The following SLC25A24 variants were observed in gnomAD, a reference collection of about 807,000 sequenced individuals.
SLC25A24 encodes the protein solute carrier family 25 member 24.
In SLC25A24, 49 loss-of-function variants were observed where a neutral mutation model predicts 60.7. The observed-to-expected ratio is 0.81, with a 90% CI of 0.64 to 1.02. The LOEUF is 1.02. Among genes scored for constraint, SLC25A24 ranks in the 50% least tolerant of loss-of-function variants. The pLI, the probability that SLC25A24 is intolerant of heterozygous loss-of-function variation, is 0.00. For missense variants in SLC25A24, 564 were observed against 586.3 expected (o/e 0.96, Z 0.39); for synonymous variants, 202 against 200.6 (o/e 1.01, Z -0.06).
At chr1:108,152,197 T>A (rs373706722) in intron 6 of SLC25A24, among the ~76,000 whole-genome samples, 1 of 152,164 alleles carries the variant, frequency 6.6e-6, no homozygotes, top group Non-Finnish European at 1.5e-5. Flanking sequence ...ATTTGGCCCC[T>A]GTTTATCTGT....
rs1679303240 is a variant in SLC25A24, at chr1:108,136,827, T to G, written c.1260A>C (p.Glu420Asp). 6.2e-7 allele frequency: 1 copy of G among 1,612,678 alleles called. No homozygotes were observed. The highest frequency in any genetic ancestry group is 1.1e-5 in the South Asian group (1 of 90,648). Reference sequence around the variant, plus strand: ...CAACCATATTCAGCTGTGGGGAACCTTCTAACATGGCTAAAAAATAAAAAA... The same window carrying G: ...CAACCATATTCAGCTGTGGGGAACCGTCTAACATGGCTAAAAAATAAAAAA... ...RTRMQAQAML[E>D]GSPQLNMVGL... Residue 420 changes from glutamate (E) to aspartate (D), a missense_variant, in exon 10 of 10, where the codon GAA becomes GAC. By Grantham distance (45) the Glu-to-Asp change is conservative. Transcript: ENST00000565488.
At position 108,154,875 on chromosome 1, in the gene SLC25A24, A is replaced by T. The variant is rs75988329; in HGVS notation, c.822+108T>A. On this transcript the variant is annotated intron_variant, in intron 6 of 9. Coordinates refer to ENST00000565488, the MANE Select transcript of SLC25A24 (RefSeq NM_013386.5). Reference sequence around the variant, plus strand: ...CCTCCTTATGGAGTATATGTGAAAGATTATCATGTATTAAAACAAGAATCC... The same window carrying T: ...CCTCCTTATGGAGTATATGTGAAAGTTTATCATGTATTAAAACAAGAATCC... 1.9e-3 allele frequency: 1,472 copies of T among 789,000 alleles called. 16 individuals are homozygous for T. The African/African-American group carries it at 0.023, about 13-fold the overall frequency. The allele number at this position is 789,000 out of a possible 1,614,324, so 48.9% of individuals were successfully genotyped here. A position where few individuals can be genotyped will look rare whatever the true frequency, so the allele number is the denominator to read the frequency against.
At chr1:108,187,468 A>G (rs1003586541) in intron 1 of SLC25A24, among the ~76,000 whole-genome samples, 2 of 152,190 alleles carry the variant, frequency 1.3e-5, no homozygotes, top group African/African-American at 4.8e-5. Context: ...GTCAGAAAGT[A>G]AAGATGGAAA....
intron 3 of SLC25A24, among the ~76,000 whole-genome samples, chr1:108,177,837 TA>T (rs1647738822): frequency 6.6e-6 from 1 of 152,142 alleles, no homozygotes; most frequent in Admixed American, 6.5e-5. Context: ...TTTATAAATA[TA>T]TATGAACCCA....
chr1:108,198,011 A>C (rs892046966), intron 1 of SLC25A24, among the ~76,000 whole-genome samples: 3 of 152,160 alleles, frequency 2.0e-5, no homozygotes, highest in African/African-American at 4.8e-5. Flanking sequence ...CTGGGTTGCT[A>C]TAAAGCCAGG....
chr1:108,185,125 A>G (rs1036565601), intron 2 of SLC25A24, among the ~76,000 whole-genome samples: 3 of 152,150 alleles, frequency 2.0e-5, no homozygotes, highest in Non-Finnish European at 4.4e-5. Context: ...ATGTTATGAC[A>G]TAGTAAGAGG....
intron 4 of SLC25A24, among the ~76,000 whole-genome samples, chr1:108,158,267 A>G (rs897915403): frequency 3.9e-5 from 6 of 152,280 alleles, no homozygotes; most frequent in South Asian, 2.1e-4. Context: ...CCTATTCTAC[A>G]TTACTATAGT....
chr1:108,148,396 C>T lies in SLC25A24; in HGVS notation c.823-10G>A, dbSNP rs202000976. The T allele has an allele frequency of 2.0e-6, 3 of 1,520,010 alleles. No individual in the cohort carries two copies. The South Asian group carries it at 3.4e-5, about 17-fold the overall frequency. The allele number at this position is 1,520,010 out of a possible 1,614,324, so 94.2% of individuals were successfully genotyped here. A position where few individuals can be genotyped will look rare whatever the true frequency, so the allele number is the denominator to read the frequency against. ...TAAGTAACTTCTTGTACTGTATAAACAAGTTTTAAAATGCACATTACTACC... is the reference window on the plus strand; with the variant it reads ...TAAGTAACTTCTTGTACTGTATAAATAAGTTTTAAAATGCACATTACTACC... On this transcript the variant is annotated splice_polypyrimidine_tract_variant and intron_variant, in intron 6 of 9. Coordinates refer to ENST00000565488, the MANE Select transcript of SLC25A24 (RefSeq NM_013386.5).
intron 8 of SLC25A24, among the ~76,000 whole-genome samples, chr1:108,141,622 C>T (rs1679444959): frequency 6.6e-6 from 1 of 152,068 alleles, no homozygotes; most frequent in African/African-American, 2.4e-5. Flanking sequence ...TCCAAATGTC[C>T]ATCAACAGAT....
At chr1:108,187,566 C>G in intron 1 of SLC25A24, among the ~76,000 whole-genome samples, 1 of 152,066 alleles carries the variant, frequency 6.6e-6, no homozygotes, top group Admixed American at 6.5e-5. Flanking sequence ...ACAAAAACAA[C>G]TTATTAAAAA....
intron 9 of SLC25A24, among the ~76,000 whole-genome samples, chr1:108,138,230 A>T (rs1327583790): frequency 1.3e-5 from 2 of 152,170 alleles, no homozygotes; most frequent in African/African-American, 4.8e-5. Flanking sequence ...CTCTACCCCT[A>T]GCATCTGGCA....
chr1:108,194,670 T>C (rs1054453619), intron 1 of SLC25A24, among the ~76,000 whole-genome samples: 1 of 151,898 alleles, frequency 6.6e-6, no homozygotes, highest in Non-Finnish European at 1.5e-5. Context: ...CCCATGCACC[T>C]ACACACACAC....
chr1:108,161,075 T>C, intron 4 of SLC25A24, 107 bp downstream of exon 4: 1 of 621,930 alleles, frequency 1.6e-6, no homozygotes, highest in Non-Finnish European at 2.9e-6. Context: ...AAGGAGCTAC[T>C]GGGACTCAGG....
intron 1 of SLC25A24, among the ~76,000 whole-genome samples, chr1:108,193,065 T>C (rs1310658038): frequency 7.1e-6 from 1 of 140,092 alleles, no homozygotes; most frequent in African/African-American, 2.5e-5. Context: ...TGTTGGGACA[T>C]GGGCTATTGC....
At chr1:108,167,545 C>A (rs1647236746) in intron 3 of SLC25A24, among the ~76,000 whole-genome samples, 1 of 152,334 alleles carries the variant, frequency 6.6e-6, no homozygotes, top group African/African-American at 2.4e-5. Flanking sequence ...GTGGGAGTGA[C>A]CCGATTTTCC....
intron 9 of SLC25A24, among the ~76,000 whole-genome samples, chr1:108,138,419 G>A (rs1679348202): frequency 1.3e-5 from 2 of 152,172 alleles, no homozygotes; most frequent in Admixed American, 1.3e-4. Context: ...AAAGAGAAAA[G>A]AAAGGCATTT....
rs940016026 is a variant in SLC25A24 at position 108,161,175 on chromosome 1, G to C, written c.510+7C>G. 1 of 1,363,948 alleles carries C rather than the reference G, an allele frequency of 7.3e-7. No homozygotes were observed. The allele number at this position is 1,363,948 out of a possible 1,614,324, so 84.5% of individuals were successfully genotyped here. A position where few individuals can be genotyped will look rare whatever the true frequency, so the allele number is the denominator to read the frequency against. On this transcript the variant is annotated splice_region_variant and intron_variant, in intron 4 of 9. Transcript: ENST00000565488. ...CAAATAAGTATAAATACATAAAGTA[G>C]ACTTACTGTAGAATGTTTCCAGAAA...
chr1:108,139,135 C>T lies in SLC25A24; in HGVS notation c.1172G>A (p.Cys391Tyr). ...VNPGVMVLLG[C>Y]GALSSTCGQL... The stretch of plus-strand genomic sequence containing the variant: ...ACCACAGGTGCTGGATAAGGCACCG[C>T]ATCCCAGCAACACCATGACTCCAGG... Residue 391 changes from cysteine to tyrosine, a missense_variant, in exon 9 of 10, where the codon TGC (cysteine) becomes TAC (tyrosine). Transcript: ENST00000565488. The T allele has an allele frequency of 1.9e-6, 3 of 1,611,460 alleles. No individual in the cohort carries two copies. The highest frequency in any genetic ancestry group is 2.5e-6 in the Non-Finnish European group (3 of 1,178,754).
chr1:108,149,377 C>T (rs17513945), intron 6 of SLC25A24, among the ~76,000 whole-genome samples: 6,617 of 152,158 alleles, frequency 0.043, 191 homozygotes, highest in East Asian at 0.083. Context: ...GCTGGAACTC[C>T]AGAGCCACGT....
Sources: allele counts gnomAD v4.1 joint callset (sites outside exome capture counted in the v4.1 genomes callset), GRCh38; gene constraint gnomAD v4.1.1; transcripts MANE v1.5; gene names NCBI Gene and HGNC (gene_info 2026-07-23, HGNC 2026-07-21).